Variants in DHX32 observed in about 807,000 individuals in gnomAD.
The protein encoded by DHX32 is DEAH-box helicase 32 (putative).
A neutral mutation model predicts 70.0 loss-of-function variants in DHX32; 51 were observed. That is an observed-to-expected ratio of 0.73 (90% CI 0.58 to 0.92). The LOEUF (loss-of-function observed/expected upper bound fraction) is 0.92, where lower values mean the gene tolerates loss of function less well. Ranked by LOEUF, DHX32 falls within the 40% of genes least tolerant of loss-of-function variation. The pLI, the probability that DHX32 is intolerant of heterozygous loss-of-function variation, is 0.00. For synonymous variants in DHX32, 310 were observed against 315.3 expected (o/e 0.98, Z 0.18); for missense variants, 762 against 891.8 (o/e 0.85, Z 1.85).
At chr10:125,850,722 G>GT (rs1168327588) in intron 6 of DHX32, among the ~76,000 whole-genome samples, 1 of 152,164 alleles carries the variant, frequency 6.6e-6, no homozygotes, top group Non-Finnish European at 1.5e-5. Context: ...TGCCATGCCT[G>GT]TTTGTGTTTG....
chr10:125,876,365 T>A (rs1944283929), intron 1 of DHX32, among the ~76,000 whole-genome samples: 1 of 152,244 alleles, frequency 6.6e-6, no homozygotes, highest in Non-Finnish European at 1.5e-5. Context: ...TGGCTCTATC[T>A]TGACAACAAA....
Position 125,854,187 on chromosome 10 carries a change from C to T in DHX32, c.866G>A (p.Cys289Tyr), listed in dbSNP as rs1340621117. 3 of 1,601,870 alleles carry T rather than the reference C, an allele frequency of 1.9e-6. No homozygotes were observed. Among genetic ancestry groups the T allele is most frequent in the South Asian group, 2.3e-5 (2 of 87,976 alleles). Residue 289 changes from cysteine to tyrosine, a missense_variant, in exon 4 of 11, where the codon TGT (cysteine) becomes TAT (tyrosine). Cys to Tyr is a radical substitution (Grantham distance 194). Coordinates refer to ENST00000284690, the MANE Select transcript of DHX32 (RefSeq NM_018180.3). ...LACEQDIEKV[C>Y]ETVYQGSNLN... Reference sequence around the variant, plus strand: ...GTTAGATCCTTGATAGACAGTTTCACAGACTTTCTCAATATCCTAAAGAAA... The same window carrying T: ...GTTAGATCCTTGATAGACAGTTTCATAGACTTTCTCAATATCCTAAAGAAA...
At chr10:125,856,151 A>T (rs1944145165) in intron 3 of DHX32, among the ~76,000 whole-genome samples, 1 of 152,202 alleles carries the variant, frequency 6.6e-6, no homozygotes, top group Non-Finnish European at 1.5e-5. Flanking sequence ...CTTGATTCTT[A>T]TTCAATGTAT....
intron 9 of DHX32, among the ~76,000 whole-genome samples, 161 bp from the exon 10 acceptor site, chr10:125,838,548 A>G (rs535172343): frequency 3.3e-5 from 5 of 152,346 alleles, no homozygotes; most frequent in Admixed American, 2.0e-4. Context: ...AATAAGCCAT[A>G]AGCATGTTTT....
At chr10:125,852,981 C>T in intron 4 of DHX32, 1 of 656,212 alleles carries the variant, frequency 1.5e-6, no homozygotes, top group Admixed American at 2.8e-5. Context: ...AGGGTTCTCA[C>T]CTGATAGTGC....
At position 125,854,194 on chromosome 10, in the gene DHX32, T is replaced by C; in HGVS notation, c.859A>G (p.Lys287Glu). 6.3e-7 allele frequency: 1 copy of C among 1,596,646 alleles called. No individual in the cohort carries two copies. The highest frequency in any genetic ancestry group is 1.1e-5 in the South Asian group (1 of 87,008). Reference sequence around the variant, plus strand: ...CCTTGATAGACAGTTTCACAGACTTTCTCAATATCCTAAAGAAAAAAAAAC... The same window carrying C: ...CCTTGATAGACAGTTTCACAGACTTCCTCAATATCCTAAAGAAAAAAAAAC... ...VFLACEQDIE[K>E]VCETVYQGSN... Residue 287 changes from lysine (K) to glutamate (E), a missense_variant, in exon 4 of 11, where the codon AAA becomes GAA. Around this residue, in one of 3 missense-constraint regions of DHX32, gnomAD observed 394 missense variants for 473.1 expected, o/e 0.83. Coordinates refer to ENST00000284690, the MANE Select transcript of DHX32 (RefSeq NM_018180.3).
intron 1 of DHX32, among the ~76,000 whole-genome samples, chr10:125,877,366 C>G (rs1427898575): frequency 1.3e-5 from 2 of 152,130 alleles, no homozygotes; most frequent in Non-Finnish European, 2.9e-5. Flanking sequence ...TTGTCCAGCC[C>G]TCCTCTTTTC....
chr10:125,843,125 T>G (rs1356799577), intron 6 of DHX32, among the ~76,000 whole-genome samples: 2 of 152,240 alleles, frequency 1.3e-5, no homozygotes, highest in African/African-American at 4.8e-5. Flanking sequence ...AGAAAGCTGC[T>G]GTATTGTTAT....
rs1462267492 is a variant in DHX32, at chr10:125,854,201, ATCCT to A, written c.850-2_851del. On this transcript the variant is annotated splice_acceptor_variant and coding_sequence_variant, in exon 4 of 11. Transcript: ENST00000284690. LOFTEE classifies it high-confidence loss of function. Reference sequence around the variant, plus strand: ...AGACAGTTTCACAGACTTTCTCAATATCCTAAAGAAAAAAAAACCCATGAAAATA... The same window carrying A: ...AGACAGTTTCACAGACTTTCTCAATAAAAGAAAAAAAAACCCATGAAAATA... 6.4e-7 allele frequency: 1 copy of A among 1,574,024 alleles called. No homozygotes were observed. The highest frequency in any genetic ancestry group is 1.4e-5 in the African/African-American group (1 of 72,554).
At chr10:125,868,791 T>G (rs1319716794) in intron 1 of DHX32, among the ~76,000 whole-genome samples, 1 of 152,192 alleles carries the variant, frequency 6.6e-6, no homozygotes, top group African/African-American at 2.4e-5. Flanking sequence ...ATAGACTGAA[T>G]GAATGAGAAT....
intron 3 of DHX32, among the ~76,000 whole-genome samples, chr10:125,856,996 T>C (rs966033048): frequency 6.6e-6 from 1 of 152,204 alleles, no homozygotes; most frequent in Non-Finnish European, 1.5e-5. Context: ...TTAATACATT[T>C]GTATTAGACT....
chr10:125,861,041 C>A (rs1007815297), intron 2 of DHX32, among the ~76,000 whole-genome samples: 3 of 151,888 alleles, frequency 2.0e-5, no homozygotes, highest in African/African-American at 7.2e-5. Context: ...CGTGAGCCAC[C>A]GCGCCCGGCC....
rs374441613 is a variant in DHX32, at chr10:125,847,847, T to C, written c.1351+4446A>G. ...CAGCCTAGATCCCTGGCATGTGCAG[T>C]TCATAATAGGGTTCGAGCTCCTACG... is the stretch of plus-strand genomic sequence containing the variant. On this transcript the variant is annotated intron_variant, in intron 6 of 10. Coordinates refer to ENST00000284690, the MANE Select transcript of DHX32 (RefSeq NM_018180.3). 6.8e-4 allele frequency among the ~76,000 whole-genome samples: 103 copies of C among 151,982 alleles called. No individual in the cohort carries two copies. The South Asian group carries it at 0.02, about 30-fold the overall frequency.
In DHX32 at chr10:125,859,585, AGAGT is replaced by A. The variant is rs774329312; in HGVS notation, c.849+14_849+17del. The A allele has an allele frequency of 9.1e-6, 14 of 1,544,002 alleles. No individual in the cohort carries two copies. The Admixed American group carries it at 2.9e-4, about 33-fold the overall frequency. Reference sequence around the variant, plus strand: ...TGAAATACCTTATTACTGTAAGGTTAGAGTATCACTTACTTACTTGTTCACAGGC... The same window carrying A: ...TGAAATACCTTATTACTGTAAGGTTAATCACTTACTTACTTGTTCACAGGC... On this transcript the variant is annotated intron_variant, in intron 3 of 10. Coordinates refer to ENST00000284690, the MANE Select transcript of DHX32 (RefSeq NM_018180.3).
chr10:125,841,071 G>C (rs1854864510), intron 7 of DHX32, 75 bp from the exon 8 acceptor site: 1 of 1,505,266 alleles, frequency 6.6e-7, no homozygotes, highest in Non-Finnish European at 9.0e-7. Context: ...AGAGGGGAGG[G>C]GTCACGACTG....
intron 1 of DHX32, among the ~76,000 whole-genome samples, chr10:125,877,967 G>A (rs2134070978): frequency 6.6e-6 from 1 of 152,126 alleles, no homozygotes; most frequent in African/African-American, 2.4e-5. Context: ...CACACTATAT[G>A]GTCTATTCTA....
chr10:125,860,415 A>G lies in DHX32; in HGVS notation c.477-440T>C, dbSNP rs1011347631. 5.8e-4 allele frequency among the ~76,000 whole-genome samples: 89 copies of G among 152,216 alleles called. 1 individual carries two copies. The highest frequency in any genetic ancestry group is 2.0e-3 in the African/African-American group (84 of 41,452). Reference sequence around the variant, plus strand: ...TCAAGGAAAGGATACAAGAATAACCATCCTGGCTCAGGCTCATGGTCCTGC... The same window carrying G: ...TCAAGGAAAGGATACAAGAATAACCGTCCTGGCTCAGGCTCATGGTCCTGC... On this transcript the variant is annotated intron_variant, in intron 2 of 10. Transcript: ENST00000284690.
upstream of DHX32, among the ~76,000 whole-genome samples, chr10:125,881,825 T>C (rs1283762953): frequency 1.3e-5 from 2 of 152,176 alleles, no homozygotes; most frequent in Non-Finnish European, 2.9e-5. Context: ...TATTTTTTTG[T>C]AGAGACGGAG....
intron 6 of DHX32, among the ~76,000 whole-genome samples, chr10:125,848,070 CACTT>C: frequency 6.6e-6 from 1 of 152,300 alleles, no homozygotes; most frequent in East Asian, 1.9e-4. Flanking sequence ...ATGCAGTTAT[CACTT>C]AGGAGGGCTG....
Sources: allele counts gnomAD v4.1 joint callset (sites outside exome capture counted in the v4.1 genomes callset), GRCh38; gene constraint gnomAD v4.1.1; regional missense constraint gnomAD v4.1.1; transcripts MANE v1.5; gene names NCBI Gene and HGNC (gene_info 2026-07-23, HGNC 2026-07-21).